The following SGCZ variants were observed in gnomAD, a reference collection of about 807,000 sequenced individuals.
SGCZ encodes sarcoglycan zeta.
SGCZ carries 40 observed loss-of-function variants against 41.3 expected under a neutral mutation model. That is an observed-to-expected ratio of 0.97 (90% CI 0.75 to 1.26). SGCZ has a LOEUF of 1.26. SGCZ is among the 50% of genes most tolerant of loss of function. The probability of loss-of-function intolerance (pLI) is 0.00; values close to 1 mark genes in which losing one functional copy is unlikely to be tolerated. For missense variants in SGCZ, 552 were observed against 369.8 expected (o/e 1.49, Z -4.04); for synonymous variants, 206 against 137.5 (o/e 1.50, Z -3.49).
At chr8:14,154,814 C>T (rs1803827771) in intron 5 of SGCZ, among the ~76,000 whole-genome samples, 1 of 152,090 alleles carries the variant, frequency 6.6e-6, no homozygotes. Flanking sequence ...CATGGATGGG[C>T]CACATGTAGG....
chr8:14,606,558 A>G (rs567658524), intron 1 of SGCZ, among the ~76,000 whole-genome samples: 1 of 152,192 alleles, frequency 6.6e-6, no homozygotes, highest in African/African-American at 2.4e-5. Flanking sequence ...CAACCAAATC[A>G]GTCCCTTTGT....
chr8:14,438,292 A>G (rs985206783), intron 2 of SGCZ, among the ~76,000 whole-genome samples: 3 of 152,046 alleles, frequency 2.0e-5, no homozygotes, highest in Non-Finnish European at 4.4e-5. Context: ...ATTTTAGAAG[A>G]AAAAGGTCAA....
At chr8:14,257,360 G>GA (rs112438164) in intron 3 of SGCZ, among the ~76,000 whole-genome samples, 57,790 of 150,888 alleles carry the variant, frequency 0.38, 12,462 homozygotes, top group Non-Finnish European at 0.5. Context: ...AAAAAAAAAA[G>GA]AAGAAAGAAA....
intron 2 of SGCZ, among the ~76,000 whole-genome samples, chr8:14,542,662 G>A (rs1803506161): frequency 6.6e-6 from 1 of 152,038 alleles, no homozygotes; most frequent in Non-Finnish European, 1.5e-5. Context: ...CTGGCACATA[G>A]TTTTAAAAGC....
At chr8:15,195,331 G>C (rs1018335493) in intron 1 of SGCZ, among the ~76,000 whole-genome samples, 2 of 152,114 alleles carry the variant, frequency 1.3e-5, no homozygotes, top group African/African-American at 4.8e-5. Context: ...TACTCATGTG[G>C]AATGATGGAA....
At chr8:14,816,014 T>C (rs114519199) in intron 1 of SGCZ, among the ~76,000 whole-genome samples, 2,877 of 152,300 alleles carry the variant, frequency 0.019, 98 homozygotes, top group African/African-American at 0.065. Context: ...TTTTAAAAAA[T>C]AAAATGAGGC....
At chr8:14,545,745 T>C (rs1209948942) in intron 2 of SGCZ, among the ~76,000 whole-genome samples, 2 of 152,294 alleles carry the variant, frequency 1.3e-5, no homozygotes, top group African/African-American at 4.8e-5. Context: ...TCTAGTCTAT[T>C]GTACAATATA....
At chr8:15,201,072 A>G (rs1380604033) in intron 1 of SGCZ, among the ~76,000 whole-genome samples, 1 of 152,206 alleles carries the variant, frequency 6.6e-6, no homozygotes, top group South Asian at 2.1e-4. Context: ...GCTGGAGTGC[A>G]GTGGCACCAT....
chr8:14,292,043 G>C (rs1197094468), intron 3 of SGCZ, among the ~76,000 whole-genome samples: 1 of 151,974 alleles, frequency 6.6e-6, no homozygotes, highest in Non-Finnish European at 1.5e-5. Context: ...CAATGTAATA[G>C]GTGGAAGCTT....
chr8:15,196,196 C>CTT (rs777399890), intron 1 of SGCZ, among the ~76,000 whole-genome samples: 1 of 134,096 alleles, frequency 7.5e-6, no homozygotes, highest in African/African-American at 2.8e-5. Context: ...CGCGCCCGGC[C>CTT]AGGCTTCGAT....
chr8:14,304,521 C>G (rs1559902), intron 3 of SGCZ, among the ~76,000 whole-genome samples: 145,371 of 152,232 alleles, frequency 0.95, 69,778 homozygotes, highest in Non-Finnish European at 1. Context: ...TTGAGACCAG[C>G]GGTCAAGGCT....
intron 1 of SGCZ, among the ~76,000 whole-genome samples, chr8:14,768,588 T>C (rs778102998): frequency 6.6e-6 from 1 of 152,240 alleles, no homozygotes; most frequent in African/African-American, 2.4e-5. Context: ...TTTTTGTCCA[T>C]GGCCTCATGG....
chr8:14,708,048 A>G (rs766045286), intron 1 of SGCZ, among the ~76,000 whole-genome samples: 3 of 152,092 alleles, frequency 2.0e-5, no homozygotes, highest in Non-Finnish European at 2.9e-5. Context: ...TTATATTATC[A>G]AAACCCAAAT....
chr8:14,916,965 T>C (rs958826353), intron 1 of SGCZ, among the ~76,000 whole-genome samples: 3 of 152,140 alleles, frequency 2.0e-5, no homozygotes, highest in African/African-American at 7.2e-5. Context: ...CTCAAAGTCA[T>C]CCTTAAAGCA....
intron 2 of SGCZ, among the ~76,000 whole-genome samples, chr8:14,551,612 A>G: frequency 2.1e-5 from 1 of 47,146 alleles, no homozygotes; most frequent in African/African-American, 1.0e-4. Flanking sequence ...TATATTATAT[A>G]TATACATAAA....
At chr8:14,279,985 G>C (rs1800367036) in intron 3 of SGCZ, among the ~76,000 whole-genome samples, 3 of 151,890 alleles carry the variant, frequency 2.0e-5, no homozygotes, top group Admixed American at 1.3e-4. Context: ...TAGGGGCTTT[G>C]CTAGATTCAT....
At chr8:15,133,583 T>C (rs1807995770) in intron 1 of SGCZ, among the ~76,000 whole-genome samples, 1 of 152,234 alleles carries the variant, frequency 6.6e-6, no homozygotes, top group African/African-American at 2.4e-5. Context: ...TCAGATTCAT[T>C]TGCAGTATCT....
chr8:14,277,482 ATTTG>A (rs1800275860), intron 3 of SGCZ, among the ~76,000 whole-genome samples: 1 of 152,096 alleles, frequency 6.6e-6, no homozygotes, highest in South Asian at 2.1e-4. Context: ...ATTCTGTATT[ATTTG>A]TTTATGTATC....
In SGCZ at chr8:14,190,854, G is replaced by A. The variant is rs540579571; in HGVS notation, c.425-26152C>T. 7.2e-5 allele frequency among the ~76,000 whole-genome samples: 11 copies of A among 151,882 alleles called. No homozygotes were observed. In the East Asian group the frequency reaches 1.9e-3, roughly 27 times the overall value. ...CCTGACCTTGTGATCCACCCGCCTC[G>A]GACTCCCAAAGTGCTGGGATTACAG... On this transcript the variant is annotated intron_variant, in intron 4 of 7. Transcript: ENST00000382080.
Sources: gnomAD v4.1 joint callset for allele counts (sites outside exome capture counted in the v4.1 genomes callset) on GRCh38, gnomAD v4.1.1 for gene constraint, MANE v1.5 for transcripts, NCBI Gene and HGNC (gene_info 2026-07-23, HGNC 2026-07-21) for gene names.